TESC: variants seen among roughly 807,000 people sequenced by gnomAD.
The protein encoded by TESC is tescalcin, also known as calcineurin B homologous protein 3.
Under a neutral mutation model 31.0 loss-of-function variants are expected in TESC, and 19 were observed. The ratio of observed to expected loss-of-function variants is 0.61; its 90% CI spans 0.43 to 0.90. TESC has a LOEUF of 0.90. TESC is among the 40% of genes least tolerant of loss of function. The probability of loss-of-function intolerance (pLI) is 0.00; values close to 1 mark genes in which losing one functional copy is unlikely to be tolerated. For missense variants in TESC, 248 were observed against 303.8 expected (o/e 0.82, Z 1.36); for synonymous variants, 109 against 114.8 (o/e 0.95, Z 0.32).
chr12:117,061,493 G>A (rs147796462), intron 2 of TESC, among the ~76,000 whole-genome samples: 156 of 152,064 alleles, frequency 1.0e-3, no homozygotes, highest in South Asian at 4.2e-3. Flanking sequence ...CCATGTGCCT[G>A]GAGAAGAAAT....
At chr12:117,045,260 C>G (rs955180054) in intron 6 of TESC, among the ~76,000 whole-genome samples, 1 of 152,220 alleles carries the variant, frequency 6.6e-6, no homozygotes, top group Non-Finnish European at 1.5e-5. Context: ...GCGGGTACGC[C>G]CCGGAGCCCG....
chr12:117,082,726 G>GA (rs1314672133), intron 1 of TESC, among the ~76,000 whole-genome samples: 2 of 152,054 alleles, frequency 1.3e-5, no homozygotes, highest in Non-Finnish European at 2.9e-5. Flanking sequence ...ATGTGCACAA[G>GA]AAAAAATAGA....
chr12:117,080,328 C>G (rs967825138), intron 1 of TESC, among the ~76,000 whole-genome samples: 1 of 151,918 alleles, frequency 6.6e-6, no homozygotes, highest in African/African-American at 2.4e-5. Context: ...ATCAGCCAGG[C>G]GTGGTGGGGC....
Position 117,046,533 on chromosome 12 carries a change from C to T in TESC, c.519+26G>A, listed in dbSNP as rs1471078870. The T allele has an allele frequency of 1.9e-6, 3 of 1,539,324 alleles. No individual in the cohort carries two copies. In the Admixed American group the frequency reaches 5.9e-5, roughly 31 times the overall value. ...CATAAGCGGGAAAGGCACTGCGCGTCTCGGGAGGGCTGCAGGGGCGCTCAC... is the reference window on the plus strand; with the variant it reads ...CATAAGCGGGAAAGGCACTGCGCGTTTCGGGAGGGCTGCAGGGGCGCTCAC... On this transcript the variant is annotated intron_variant, in intron 6 of 7. Coordinates refer to ENST00000335209, the MANE Select transcript of TESC (RefSeq NM_017899.4).
chr12:117,042,160 T>G (rs1389551136), intron 6 of TESC, among the ~76,000 whole-genome samples, 166 bp from the exon 7 acceptor site: 1 of 152,170 alleles, frequency 6.6e-6, no homozygotes, highest in Admixed American at 6.5e-5. Context: ...ATCGTCTGCC[T>G]CCAGCATGGA....
At chr12:117,080,827 T>C (rs1236126954) in intron 1 of TESC, among the ~76,000 whole-genome samples, 1 of 152,108 alleles carries the variant, frequency 6.6e-6, no homozygotes, top group African/African-American at 2.4e-5. Flanking sequence ...AAGCACCTGA[T>C]GCATGTCTGC....
intron 2 of TESC, among the ~76,000 whole-genome samples, chr12:117,073,906 C>G (rs1468249465): frequency 1.4e-5 from 2 of 144,448 alleles, no homozygotes; most frequent in Non-Finnish European, 3.1e-5. Flanking sequence ...ATAGCAAGAC[C>G]ACGTCTCAAA....
intron 1 of TESC, among the ~76,000 whole-genome samples, chr12:117,086,465 G>A (rs886354765): frequency 1.3e-5 from 2 of 151,958 alleles, no homozygotes; most frequent in East Asian, 3.9e-4. Flanking sequence ...CTCTCGCTCT[G>A]TCACCCAGGT....
At chr12:117,078,974 T>C (rs1170616143) in intron 1 of TESC, among the ~76,000 whole-genome samples, 1 of 152,168 alleles carries the variant, frequency 6.6e-6, no homozygotes, top group Non-Finnish European at 1.5e-5. Flanking sequence ...ACACATCATC[T>C]TCTTTAGTTC....
intron 1 of TESC, among the ~76,000 whole-genome samples, chr12:117,079,938 A>T (rs1016070790): frequency 3.3e-5 from 5 of 152,200 alleles, no homozygotes. Flanking sequence ...CATAATCATA[A>T]CAACAAGGGC....
At chr12:117,097,962 G>A (rs1955417691) in intron 1 of TESC, among the ~76,000 whole-genome samples, 1 of 152,058 alleles carries the variant, frequency 6.6e-6, no homozygotes, top group Non-Finnish European at 1.5e-5. Flanking sequence ...TCTTTAGTTG[G>A]ATATTTCTAT....
chr12:117,050,276 G>GC (rs1954629659), intron 3 of TESC, among the ~76,000 whole-genome samples: 1 of 152,230 alleles, frequency 6.6e-6, no homozygotes, highest in South Asian at 2.1e-4. Context: ...CTGAGTAGCT[G>GC]CAACAGAGAC....
chr12:117,063,065 G>A (rs978685841), intron 2 of TESC, among the ~76,000 whole-genome samples: 1 of 152,180 alleles, frequency 6.6e-6, no homozygotes, highest in Non-Finnish European at 1.5e-5. Context: ...AAGGGCTCGC[G>A]TGACATCAAG....
intron 3 of TESC, among the ~76,000 whole-genome samples, chr12:117,052,375 A>G (rs1349364503): frequency 6.6e-6 from 1 of 152,204 alleles, no homozygotes; most frequent in African/African-American, 2.4e-5. Context: ...ATCCTCCTCC[A>G]GCTTCTTCTC....
At position 117,096,617 on chromosome 12, in the gene TESC, C is replaced by G. The variant is rs371272265; in HGVS notation, c.58+2608G>C. 1.1e-4 allele frequency among the ~76,000 whole-genome samples: 17 copies of G among 152,230 alleles called. No homozygotes were observed. In the South Asian group the frequency reaches 3.5e-3, roughly 32 times the overall value. ...AACCATGTACATGTGTTTGGTCTAA[C>G]TACTTCATGTATATTAACTCAATCC... On this transcript the variant is annotated intron_variant, in intron 1 of 7. Transcript: ENST00000335209.
rs754155709 is a variant in TESC at position 117,049,013 on chromosome 12, A to G, written c.349+6T>C. 1.9e-6 allele frequency: 3 copies of G among 1,614,152 alleles called. No homozygotes were observed. The South Asian group carries it at 3.3e-5, about 18-fold the overall frequency. ...GGTGTGAGCAAGGGGACTCAGTGGC[A>G]CGCACATCTCAGCTTCTCCTTCCGG... On this transcript the variant is annotated splice_donor_region_variant and intron_variant, in intron 4 of 7. Transcript: ENST00000335209.
At chr12:117,066,432 C>T (rs1331106728) in intron 2 of TESC, among the ~76,000 whole-genome samples, 2 of 147,294 alleles carry the variant, frequency 1.4e-5, no homozygotes, top group Non-Finnish European at 3.0e-5. Flanking sequence ...AGTGCAGTGG[C>T]GCTATCTTGG....
At chr12:117,063,063 G>A (rs1420828812) in intron 2 of TESC, among the ~76,000 whole-genome samples, 7 of 152,176 alleles carry the variant, frequency 4.6e-5, no homozygotes, top group Admixed American at 6.5e-5. Context: ...TGAAGGGCTC[G>A]CGTGACATCA....
chr12:117,072,315 T>G (rs915443433), intron 2 of TESC, among the ~76,000 whole-genome samples: 2 of 152,116 alleles, frequency 1.3e-5, no homozygotes, highest in Non-Finnish European at 1.5e-5. Context: ...CAGGTTGGGC[T>G]CAAGCGATCC....
Sources: allele counts gnomAD v4.1 joint callset (sites outside exome capture counted in the v4.1 genomes callset), GRCh38; gene constraint gnomAD v4.1.1; transcripts MANE v1.5; gene names NCBI Gene and HGNC (gene_info 2026-07-23, HGNC 2026-07-21).